The following FNIP1 variants were observed in gnomAD, a reference collection of about 807,000 sequenced individuals.
FNIP1 encodes folliculin-interacting protein 1.
In FNIP1, 40 loss-of-function variants were observed where a neutral mutation model predicts 124.5. That is an observed-to-expected ratio of 0.32 (90% CI 0.25 to 0.42). The LOEUF (loss-of-function observed/expected upper bound fraction) is 0.42, where lower values mean the gene tolerates loss of function less well. Ranked by LOEUF, FNIP1 falls within the 10% of genes least tolerant of loss-of-function variation. FNIP1 has a pLI of 1.00. For missense variants in FNIP1, 1,176 were observed against 1,403.7 expected (o/e 0.84, Z 2.59); for synonymous variants, 472 against 470.6 (o/e 1.00, Z -0.04).
chr5:131,746,484 T>C (rs967780051), intron 1 of FNIP1, among the ~76,000 whole-genome samples: 11 of 152,150 alleles, frequency 7.2e-5, no homozygotes, highest in Admixed American at 7.2e-4. Flanking sequence ...TGTCCATGAG[T>C]ATCCAATGTT....
At chr5:131,655,513 T>C (rs945964151) in intron 15 of FNIP1, among the ~76,000 whole-genome samples, 1 of 152,202 alleles carries the variant, frequency 6.6e-6, no homozygotes, top group Non-Finnish European at 1.5e-5. Flanking sequence ...TATTAAATCA[T>C]AACTGCATAA....
At position 131,679,048 on chromosome 5, in the gene FNIP1, C is replaced by G. The variant is rs760890189; in HGVS notation, c.1330G>C (p.Glu444Gln). ...RFMKEFTFLMENASKNQFLPA... is the reference protein window; with the variant it reads ...RFMKEFTFLMQNASKNQFLPA... Reference sequence around the variant, plus strand: ...TCATACTGATTTTTGGAAGCATTTTCCATTAGAAAGGTGAACTCCTTCATG... The same window carrying G: ...TCATACTGATTTTTGGAAGCATTTTGCATTAGAAAGGTGAACTCCTTCATG... The change falls in exon 12 of 18, where the codon GAA becomes CAA. Residue 444 changes from glutamate to glutamine, a missense_variant. By Grantham distance (29) the Glu-to-Gln change is conservative. Around this residue, in one of 2 missense-constraint regions of FNIP1, gnomAD observed 1,109 missense variants for 1,288.5 expected, o/e 0.86. Transcript: ENST00000510461. 3 of 1,606,928 alleles carry G rather than the reference C, an allele frequency of 1.9e-6. No homozygotes were observed. Among genetic ancestry groups the G allele is most frequent in the Admixed American group, 1.7e-5 (1 of 58,528 alleles).
At chr5:131,765,222 C>CG (rs888830763) in intron 1 of FNIP1, among the ~76,000 whole-genome samples, 2 of 149,994 alleles carry the variant, frequency 1.3e-5, no homozygotes, top group Admixed American at 6.6e-5. Flanking sequence ...ACCTTGTCTG[C>CG]GGGGGAAAAA....
At chr5:131,657,044 G>C (rs1156335726) in intron 15 of FNIP1, among the ~76,000 whole-genome samples, 1 of 22,742 alleles carries the variant, frequency 4.4e-5, no homozygotes, top group Admixed American at 3.9e-4. Flanking sequence ...TTTTTTTTTT[G>C]AGACAGAGTC....
At chr5:131,736,103 A>G (rs935498213) in intron 2 of FNIP1, among the ~76,000 whole-genome samples, 1 of 152,168 alleles carries the variant, frequency 6.6e-6, no homozygotes, top group African/African-American at 2.4e-5. Flanking sequence ...GAAAACAGTT[A>G]ACATGAGGGG....
rs1433944883 is a variant in FNIP1, at chr5:131,643,147, A to C, written c.*1538T>G. 6.6e-6 allele frequency: 1 copy of C among 152,364 alleles called. No individual in the cohort carries two copies. The highest frequency in any genetic ancestry group is 1.9e-4 in the East Asian group (1 of 5,334). 9.4% of individuals were successfully genotyped at this position (152,364 alleles called of 1,614,324 possible). A position where few individuals can be genotyped will look rare whatever the true frequency, so the allele number is the denominator to read the frequency against. On this transcript the variant is annotated 3_prime_UTR_variant, in exon 18 of 18. Coordinates refer to ENST00000510461, the MANE Select transcript of FNIP1 (RefSeq NM_133372.3). The stretch of plus-strand genomic sequence containing the variant: ...CACACCAATTTCAGGTTTACATTCC[A>C]TTAAAACAACAATTTTTTCTTTGTC...
intron 1 of FNIP1, among the ~76,000 whole-genome samples, chr5:131,762,401 G>GA (rs1251992024): frequency 6.6e-6 from 1 of 151,908 alleles, no homozygotes; most frequent in African/African-American, 2.4e-5. Flanking sequence ...AACTATATAG[G>GA]AAAAAAATCA....
Position 131,732,166 on chromosome 5 carries a change from T to C in FNIP1, c.220-1128A>G, listed in dbSNP as rs187513075. 3.2e-3 allele frequency among the ~76,000 whole-genome samples: 483 copies of C among 152,348 alleles called. 3 individuals carry two copies. The highest frequency in any genetic ancestry group is 0.011 in the African/African-American group (460 of 41,586). ...TATTCCTAAAAGTATTCCAGTGCTT[T>C]ATCACAGTTACCAGTATGTCCATTC... On this transcript the variant is annotated intron_variant, in intron 2 of 17. Transcript: ENST00000510461.
intron 1 of FNIP1, among the ~76,000 whole-genome samples, chr5:131,785,101 CT>C (rs1202269359): frequency 3.9e-4 from 7 of 17,982 alleles, no homozygotes; most frequent in East Asian, 1.4e-3. Context: ...ATATATATGA[CT>C]ATATATATAT....
chr5:131,713,564 C>T (rs1769371595), intron 6 of FNIP1, among the ~76,000 whole-genome samples: 1 of 145,002 alleles, frequency 6.9e-6, no homozygotes, highest in South Asian at 2.4e-4. Context: ...AAGAGAATAC[C>T]CTACAATATA....
chr5:131,738,283 A>G (rs1409795639), intron 2 of FNIP1, among the ~76,000 whole-genome samples: 1 of 151,946 alleles, frequency 6.6e-6, no homozygotes, highest in Non-Finnish European at 1.5e-5. Flanking sequence ...CTTGTCCTTC[A>G]CTCAATTATC....
At chr5:131,673,187 A>G (rs755475791) in intron 13 of FNIP1, among the ~76,000 whole-genome samples, 3 of 151,496 alleles carry the variant, frequency 2.0e-5, no homozygotes, top group Non-Finnish European at 4.4e-5. Flanking sequence ...AGCTGGGACT[A>G]TAAGCGCGTG....
intron 1 of FNIP1, among the ~76,000 whole-genome samples, chr5:131,784,583 G>A (rs1772099936): frequency 6.6e-6 from 1 of 152,050 alleles, no homozygotes; most frequent in Admixed American, 6.5e-5. Context: ...CACTTTGGGA[G>A]GCCAAAATGG....
At chr5:131,782,183 A>G (rs1383249442) in intron 1 of FNIP1, among the ~76,000 whole-genome samples, 3 of 152,154 alleles carry the variant, frequency 2.0e-5, no homozygotes, top group Non-Finnish European at 4.4e-5. Flanking sequence ...GAAGGAAAAG[A>G]AATACATTCT....
At chr5:131,725,270 G>C (rs746737355) in intron 3 of FNIP1, among the ~76,000 whole-genome samples, 18 of 152,126 alleles carry the variant, frequency 1.2e-4, no homozygotes, top group Non-Finnish European at 2.4e-4. Context: ...GGATAGCATT[G>C]AATCTATAAA....
intron 15 of FNIP1, among the ~76,000 whole-genome samples, chr5:131,654,184 C>T (rs1767125876): frequency 6.6e-6 from 1 of 152,194 alleles, no homozygotes; most frequent in African/African-American, 2.4e-5. Context: ...CCCCGGTTTA[C>T]AAACAAAGAC....
At chr5:131,647,336 A>AT (rs1766915854) in intron 16 of FNIP1, 131 bp from the exon 17 acceptor site, 1 of 643,376 alleles carries the variant, frequency 1.6e-6, no homozygotes, top group African/African-American at 1.8e-5. Flanking sequence ...TTTGGAGCAC[A>AT]TTTTTAAAGT....
At chr5:131,728,725 C>T (rs141117260) in intron 3 of FNIP1, among the ~76,000 whole-genome samples, 2 of 152,208 alleles carry the variant, frequency 1.3e-5, no homozygotes, top group African/African-American at 4.8e-5. Flanking sequence ...TGTTCCCTTG[C>T]TGGCAAGGTG....
intron 6 of FNIP1, among the ~76,000 whole-genome samples, chr5:131,715,510 AC>A (rs1769437901): frequency 6.6e-6 from 1 of 152,084 alleles, no homozygotes; most frequent in Admixed American, 6.6e-5. Flanking sequence ...AACAAAAAAA[AC>A]CCATAATTAC....
Sources: gnomAD v4.1 joint callset for allele counts (sites outside exome capture counted in the v4.1 genomes callset) on GRCh38, gnomAD v4.1.1 for gene constraint, gnomAD v4.1.1 regional missense constraint, MANE v1.5 for transcripts, NCBI Gene and HGNC (gene_info 2026-07-23, HGNC 2026-07-21) for gene names.